The following PPRC1 variants were observed in gnomAD, a reference collection of about 807,000 sequenced individuals.
PPRC1 encodes the protein PPARG related coactivator 1.
In PPRC1, 23 loss-of-function variants were observed where a neutral mutation model predicts 132.5. That is an observed-to-expected ratio of 0.17 (90% CI 0.12 to 0.25). The LOEUF is 0.25. Ranked by LOEUF, PPRC1 falls within the 10% of genes least tolerant of loss-of-function variation. PPRC1 has a pLI of 1.00. For missense variants in PPRC1, 2,006 were observed against 2,089.1 expected (o/e 0.96, Z 0.78); for synonymous variants, 872 against 833.5 (o/e 1.05, Z -0.80).
At chr10:102,144,045 TG>T (rs1394109888) in intron 6 of PPRC1, among the ~76,000 whole-genome samples, 1 of 152,178 alleles carries the variant, frequency 6.6e-6, no homozygotes, top group Non-Finnish European at 1.5e-5. Context: ...TGGAGGAATG[TG>T]GGTGTTTCTG....
At chr10:102,133,275 G>T in intron 1 of PPRC1, 54 bp downstream of exon 1, 3 of 1,225,084 alleles carry the variant, frequency 2.4e-6, no homozygotes, top group Non-Finnish European at 3.1e-6. Flanking sequence ...TGTGCCGGGC[G>T]GTGACACGTG....
At chr10:102,127,926 C>T in the PPRC1 span, among the ~76,000 whole-genome samples, 1 of 152,042 alleles carries the variant, frequency 6.6e-6, no homozygotes, top group Non-Finnish European at 1.5e-5. Flanking sequence ...TGGGCTCAAG[C>T]GATCCTCCCA....
Position 102,148,414 on chromosome 10 carries a change from C to T in PPRC1, c.4443C>T (p.Ser1481=), listed in dbSNP as rs950218905. ...CTGGACGTTCTCGAAGATGCTCTTCCTCTTCTTCGTCATCATCTTCCTCTT... is the reference window on the plus strand; with the variant it reads ...CTGGACGTTCTCGAAGATGCTCTTCTTCTTCTTCGTCATCATCTTCCTCTT... ...SSSGRSRRCS[S]SSSSSSSSSS... The change falls in exon 10 of 14, where the codon TCC becomes TCT. Residue 1481 remains serine (S), a synonymous_variant. Transcript: ENST00000278070. The surrounding 1 kb of genome is among the most constrained non-coding windows in gnomAD (Gnocchi z 4.2). 2 of 1,612,420 alleles carry T rather than the reference C, an allele frequency of 1.2e-6. No individual in the cohort carries two copies. The highest frequency in any genetic ancestry group is 1.3e-5 in the African/African-American group (1 of 74,904).
At chr10:102,126,788 G>T in the PPRC1 span, among the ~76,000 whole-genome samples, 3 of 151,560 alleles carry the variant, frequency 2.0e-5, no homozygotes, top group Non-Finnish European at 2.9e-5. Context: ...TTTGTTGAAT[G>T]ATTACAGCAA....
chr10:102,138,678 C>A lies in PPRC1; in HGVS notation c.402C>A (p.Ile134=). 2.5e-6 allele frequency: 4 copies of A among 1,614,202 alleles called. No individual in the cohort carries two copies. The highest frequency in any genetic ancestry group is 3.4e-6 in the Non-Finnish European group (4 of 1,180,026). ...CGCTGCTCACGGCTCTGACGGAGAT[C>A]TTGGACAATGCAGATTCTGAGAACC... ...EVSLLTALTE[I]LDNADSENLS... Residue 134 remains isoleucine, a synonymous_variant, in exon 3 of 14, where the codon ATC becomes ATA. Coordinates refer to ENST00000278070, the MANE Select transcript of PPRC1 (RefSeq NM_015062.5).
At chr10:102,121,901 T>C in the PPRC1 span, among the ~76,000 whole-genome samples, 1 of 152,104 alleles carries the variant, frequency 6.6e-6, no homozygotes, top group Non-Finnish European at 1.5e-5. Flanking sequence ...ATGCGGAGGC[T>C]TAAAGTGTTT....
chr10:102,128,556 A>G (rs1424667376), upstream of PPRC1, among the ~76,000 whole-genome samples: 1 of 152,116 alleles, frequency 6.6e-6, no homozygotes, highest in Non-Finnish European at 1.5e-5. Flanking sequence ...AAGAGAGAGC[A>G]AGAGAGACAG....
the PPRC1 span, among the ~76,000 whole-genome samples, chr10:102,125,948 C>T: frequency 5.3e-5 from 8 of 151,446 alleles, no homozygotes; most frequent in East Asian, 7.8e-4. Context: ...CTGCAACCTC[C>T]GCCTCCCGGG....
chr10:102,120,199 C>A, the PPRC1 span: 1 of 1,052,260 alleles, frequency 9.5e-7, no homozygotes, highest in Non-Finnish European at 1.1e-6. Flanking sequence ...CGCCGCCGCC[C>A]GCGGCCCCCG....
At chr10:102,144,940 C>A in intron 7 of PPRC1, 80 bp from the exon 8 acceptor site, 1 of 1,143,850 alleles carries the variant, frequency 8.7e-7, no homozygotes, top group South Asian at 1.3e-5. Context: ...CCACCCCCTC[C>A]CATTGATTTC....
chr10:102,134,055 C>T (rs1286708177), intron 1 of PPRC1, among the ~76,000 whole-genome samples: 1 of 151,886 alleles, frequency 6.6e-6, no homozygotes, highest in Non-Finnish European at 1.5e-5. Flanking sequence ...TTCCGTCTGA[C>T]CGGCTTGGGG....
upstream of PPRC1, among the ~76,000 whole-genome samples, chr10:102,128,923 CTTTT>C (rs1027475920): frequency 1.3e-5 from 1 of 75,642 alleles, no homozygotes; most frequent in East Asian, 4.0e-4. Context: ...CAGCGGCAGT[CTTTT>C]TTTTTTTTTT....
chr10:102,140,978 C>A lies in PPRC1; in HGVS notation c.2470C>A (p.Pro824Thr). 1 of 1,614,030 alleles carries A rather than the reference C, an allele frequency of 6.2e-7. No homozygotes were observed. The highest frequency in any genetic ancestry group is 8.5e-7 in the Non-Finnish European group (1 of 1,180,012). ...TGAGATTTGCCTTGTGCCTGTAGGT[C>A]CCAGCCCTGCTTCTCCTAGTCCTGA... ...PLEICLVPVG[P>T]SPASPSPEPP... Residue 824 changes from proline (P) to threonine (T), a missense_variant, in exon 5 of 14, where the codon CCC becomes ACC. Around this residue, in one of 2 missense-constraint regions of PPRC1, gnomAD observed 1,914 missense variants for 1,917.2 expected, o/e 1.00. Coordinates refer to ENST00000278070, the MANE Select transcript of PPRC1 (RefSeq NM_015062.5).
intron 1 of PPRC1, among the ~76,000 whole-genome samples, chr10:102,133,682 G>A (rs1465897330): frequency 3.3e-5 from 5 of 151,772 alleles, no homozygotes; most frequent in African/African-American, 1.2e-4. Flanking sequence ...GGCGCAGGCA[G>A]CGGGTCCACG....
rs778149773 is a variant in PPRC1, at chr10:102,141,570, C to T, written c.3062C>T (p.Thr1021Ile). 6.2e-7 allele frequency: 1 copy of T among 1,614,138 alleles called. No individual in the cohort carries two copies. Among genetic ancestry groups the T allele is most frequent in the Admixed American group, 1.7e-5 (1 of 60,028 alleles). ...CAACCTAAAATGGAGTCTAGGGGCA[C>T]TCCAGCTGGCCCTCCTGAAAATGTA... The part of the protein sequence containing the change: ...VPQPKMESRG[T>I]PAGPPENVLP... Residue 1021 changes from threonine to isoleucine, a missense_variant, in exon 5 of 14, where the codon ACT becomes ATT. This residue lies in a region of PPRC1 where 1,914 missense variants were observed against 1,917.2 expected (regional missense o/e 1.00). Coordinates refer to ENST00000278070, the MANE Select transcript of PPRC1 (RefSeq NM_015062.5).
At chr10:102,122,664 T>A in the PPRC1 span, among the ~76,000 whole-genome samples, 15 of 152,028 alleles carry the variant, frequency 9.9e-5, no homozygotes, top group Admixed American at 2.0e-4. Flanking sequence ...CTTGGTCAGA[T>A]TCCATGCTGA....
At position 102,139,419 on chromosome 10, in the gene PPRC1, C is replaced by T. The variant is rs1564936167; in HGVS notation, c.911C>T (p.Ser304Phe). The change falls in exon 5 of 14, where the codon TCC (serine) becomes TTC (phenylalanine). Residue 304 changes from serine to phenylalanine, a missense_variant. Ser to Phe is a radical substitution (Grantham distance 155). Coordinates refer to ENST00000278070, the MANE Select transcript of PPRC1 (RefSeq NM_015062.5). ...GCAGCTGGTGATGAGAGCATCTCCT[C>T]CCTGAGTGAGCTGGTGCGGGCCATG... Reference protein sequence around the residue: ...VPAAGDESISSLSELVRAMHP... With the variant: ...VPAAGDESISFLSELVRAMHP... 3 of 1,614,248 alleles carry T rather than the reference C, an allele frequency of 1.9e-6. No individual in the cohort carries two copies. The highest frequency in any genetic ancestry group is 3.3e-5 in the Admixed American group (2 of 60,026).
At chr10:102,134,683 C>T (rs1467497310) in intron 1 of PPRC1, among the ~76,000 whole-genome samples, 2 of 152,152 alleles carry the variant, frequency 1.3e-5, no homozygotes, top group African/African-American at 4.8e-5. Context: ...GAGGTCACAT[C>T]TTTTGGGGCT....
At chr10:102,126,900 C>T in the PPRC1 span, among the ~76,000 whole-genome samples, 1 of 151,452 alleles carries the variant, frequency 6.6e-6, no homozygotes, top group Non-Finnish European at 1.5e-5. Context: ...CATTTTTCTG[C>T]CAAAGCAGTT....
Sources: allele counts gnomAD v4.1 joint callset (sites outside exome capture counted in the v4.1 genomes callset), GRCh38; gene constraint gnomAD v4.1.1; regional missense constraint gnomAD v4.1.1; non-coding constraint Gnocchi (gnomAD v3.1); transcripts MANE v1.5; gene names NCBI Gene and HGNC (gene_info 2026-07-23, HGNC 2026-07-21).